Variants in RALYL observed in about 807,000 individuals in gnomAD.
RALYL encodes RNA-binding Raly-like protein.
A neutral mutation model predicts 35.1 loss-of-function variants in RALYL; 29 were observed. The ratio of observed to expected loss-of-function variants is 0.83; its 90% confidence interval spans 0.61 to 1.13. The LOEUF (loss-of-function observed/expected upper bound fraction) is 1.13. Ranked by LOEUF, RALYL falls within the 50% of genes most tolerant of loss-of-function variation. The pLI is 0.00. For missense variants in RALYL, 359 were observed against 360.4 expected, an observed-to-expected ratio of 1.00 and a Z score of 0.03; for synonymous variants, 120 against 127.6, an observed-to-expected ratio of 0.94 and a Z score of 0.40.
At chr8:84,915,132 AC>A (rs1376262847) in intron 8 of RALYL, among the ~76,000 whole-genome samples, 1 of 152,018 alleles carries the variant, frequency 6.6e-6, no homozygotes, top group Non-Finnish European at 1.5e-5. Context: ...ATAAACTTCC[AC>A]CCACTATAAG....
Position 84,631,404 on chromosome 8 carries a change from G to C in RALYL, c.256+101827G>C, listed in dbSNP as rs142359032. Among the ~76,000 whole-genome samples the C allele has an allele frequency of 7.6e-3, 1,156 of 152,032 alleles. 21 individuals are homozygous for C. Among genetic ancestry groups the C allele is most frequent in the African/African-American group, 0.026 (1,077 of 41,514 alleles). Reference sequence around the variant, plus strand: ...GGAAATTGAAGAAGTATTAATCTCTGAGTGTCACTTTCTCGTTTGAAAAAC... The same window carrying C: ...GGAAATTGAAGAAGTATTAATCTCTCAGTGTCACTTTCTCGTTTGAAAAAC... On this transcript the variant is annotated intron_variant, in intron 2 of 8. Coordinates refer to ENST00000521268, the MANE Select transcript of RALYL (RefSeq NM_173848.7).
chr8:84,844,092 G>C (rs575178701), intron 4 of RALYL, among the ~76,000 whole-genome samples: 1 of 152,108 alleles, frequency 6.6e-6, no homozygotes, highest in South Asian at 2.1e-4. Context: ...CAAAAGCAAT[G>C]GCAACAGAAG....
At chr8:84,851,581 GA>G (rs1835872655) in intron 5 of RALYL, among the ~76,000 whole-genome samples, 1 of 152,068 alleles carries the variant, frequency 6.6e-6, no homozygotes, top group East Asian at 1.9e-4. Flanking sequence ...TGCAAACTTA[GA>G]AAAAATTTTT....
intron 1 of RALYL, among the ~76,000 whole-genome samples, chr8:84,356,009 G>A (rs1231434656): frequency 6.7e-6 from 1 of 149,856 alleles, no homozygotes; most frequent in Non-Finnish European, 1.5e-5. Flanking sequence ...GTTCTTGGGA[G>A]ATCTGATGGT....
chr8:84,192,991 T>G (rs1051854434), intron 1 of RALYL, among the ~76,000 whole-genome samples: 2 of 151,938 alleles, frequency 1.3e-5, no homozygotes, highest in Non-Finnish European at 2.9e-5. Context: ...CTGGTTTTAT[T>G]GTGTTATTCT....
intron 1 of RALYL, among the ~76,000 whole-genome samples, chr8:84,421,876 C>A (rs1346680781): frequency 1.3e-5 from 2 of 148,814 alleles, no homozygotes; most frequent in African/African-American, 2.5e-5. Flanking sequence ...ATTGAACCAG[C>A]CTTGCATCCC....
intron 1 of RALYL, among the ~76,000 whole-genome samples, chr8:84,460,355 T>C (rs573479993): frequency 6.6e-6 from 1 of 151,900 alleles, no homozygotes; most frequent in African/African-American, 2.4e-5. Context: ...GGTATATTTG[T>C]ATACTTGCAA....
chr8:84,592,094 G>C (rs1331814187), intron 2 of RALYL, among the ~76,000 whole-genome samples: 2 of 152,028 alleles, frequency 1.3e-5, no homozygotes, highest in African/African-American at 4.8e-5. Context: ...ATTCTAACCA[G>C]GATGGGTGAC....
At chr8:84,499,619 G>A (rs960636048) in intron 1 of RALYL, among the ~76,000 whole-genome samples, 1 of 151,760 alleles carries the variant, frequency 6.6e-6, no homozygotes, top group African/African-American at 2.4e-5. Flanking sequence ...CAGAAGTCAT[G>A]GTGTTTCCTC....
chr8:84,196,212 G>T (rs1175786132), intron 1 of RALYL, among the ~76,000 whole-genome samples: 2 of 152,020 alleles, frequency 1.3e-5, no homozygotes, highest in African/African-American at 4.8e-5. Flanking sequence ...ATAATTGCTG[G>T]ATCTTTTTCC....
intron 1 of RALYL, among the ~76,000 whole-genome samples, chr8:84,474,753 A>G (rs1197789329): frequency 6.6e-6 from 1 of 152,150 alleles, no homozygotes; most frequent in Admixed American, 6.5e-5. Context: ...ATTTCAAACT[A>G]TCTGCATTTA....
At chr8:84,656,880 T>C (rs1830058282) in intron 2 of RALYL, among the ~76,000 whole-genome samples, 1 of 152,120 alleles carries the variant, frequency 6.6e-6, no homozygotes, top group African/African-American at 2.4e-5. Context: ...AATTTTCTAT[T>C]TTGTGAGATT....
intron 2 of RALYL, among the ~76,000 whole-genome samples, chr8:84,756,369 A>G (rs1158144489): frequency 6.6e-6 from 1 of 152,164 alleles, no homozygotes; most frequent in African/African-American, 2.4e-5. Context: ...CCAAACTACC[A>G]AGACAACTTC....
At chr8:84,611,192 A>G (rs1381339050) in intron 2 of RALYL, among the ~76,000 whole-genome samples, 1 of 152,152 alleles carries the variant, frequency 6.6e-6, no homozygotes, top group East Asian at 1.9e-4. Flanking sequence ...TGCATTTTGG[A>G]AATTTTTTAT....
intron 1 of RALYL, among the ~76,000 whole-genome samples, chr8:84,349,983 C>A (rs1850589246): frequency 6.6e-6 from 1 of 150,476 alleles, no homozygotes. Context: ...AACTTCTTCC[C>A]ATTACTCCCA....
intron 2 of RALYL, among the ~76,000 whole-genome samples, chr8:84,718,798 C>T (rs1016611655): frequency 6.6e-6 from 1 of 151,744 alleles, no homozygotes; most frequent in African/African-American, 2.4e-5. Flanking sequence ...AGAAAATAAA[C>T]GTCTAATTTT....
At chr8:84,415,292 C>G (rs148281858) in intron 1 of RALYL, among the ~76,000 whole-genome samples, 1 of 149,164 alleles carries the variant, frequency 6.7e-6, no homozygotes, top group African/African-American at 2.5e-5. Flanking sequence ...TGGAGTGCAA[C>G]GGTGCAATCT....
chr8:84,565,532 T>C (rs1588209496), intron 2 of RALYL, among the ~76,000 whole-genome samples: 1 of 151,596 alleles, frequency 6.6e-6, no homozygotes, highest in Non-Finnish European at 1.5e-5. Context: ...TGTAAGGGAT[T>C]ACTGAGGGTT....
intron 1 of RALYL, among the ~76,000 whole-genome samples, chr8:84,357,474 T>A (rs1852076269): frequency 6.6e-6 from 1 of 151,984 alleles, no homozygotes; most frequent in African/African-American, 2.4e-5. Flanking sequence ...CTGTCTAGGA[T>A]AACACTAATT....
Sources: gnomAD v4.1 joint callset for allele counts (sites outside exome capture counted in the v4.1 genomes callset) on GRCh38, gnomAD v4.1.1 for gene constraint, MANE v1.5 for transcripts, NCBI Gene and HGNC (gene_info 2026-07-23, HGNC 2026-07-21) for gene names.